Variants in HAUS7 observed in about 807,000 individuals in gnomAD.
HAUS7 encodes the protein HAUS augmin like complex subunit 7.
Under a neutral mutation model 28.4 loss-of-function variants are expected in HAUS7, and 3 were observed. The observed-to-expected ratio is 0.11, with a 90% CI of 0.05 to 0.27. The LOEUF (loss-of-function observed/expected upper bound fraction) is 0.27. Among genes scored for constraint, HAUS7 ranks in the 10% least tolerant of loss-of-function variants. HAUS7 has a pLI of 1.00. For missense variants in HAUS7, 284 were observed against 297.3 expected (o/e 0.96, Z 0.33); for synonymous variants, 165 against 132.1 (o/e 1.25, Z -1.71).
intron 4 of HAUS7, among the ~76,000 whole-genome samples, chrX:153,457,599 G>A (rs1243974798): frequency 8.8e-6 from 1 of 113,263 alleles, no homozygotes. Flanking sequence ...GACAAGGCCT[G>A]TTCTCCTCCA....
intron 1 of HAUS7, among the ~76,000 whole-genome samples, chrX:153,469,909 TG>T (rs1278852687): frequency 2.7e-5 from 3 of 109,970 alleles, no homozygotes; most frequent in Non-Finnish European, 5.7e-5. Flanking sequence ...GGGGAGTGTC[TG>T]GGGGGAGGAG....
intron 1 of HAUS7, among the ~76,000 whole-genome samples, chrX:153,489,025 G>A (rs868975110): frequency 1.1e-4 from 12 of 112,733 alleles, no homozygotes; most frequent in African/African-American, 2.6e-4. Flanking sequence ...TCTTGGGGTC[G>A]TCACCTGGCC....
At chrX:153,473,865 C>G (rs1159960618), upstream of HAUS7, among the ~76,000 whole-genome samples, 2 of 111,529 alleles carry the variant, frequency 1.8e-5, no homozygotes, top group Non-Finnish European at 3.8e-5. Flanking sequence ...TGCTGCTAAG[C>G]TGCCAGGCTG....
chrX:153,470,949 G>A (rs1014636371), upstream of HAUS7: 3 of 335,060 alleles, frequency 9.0e-6, no homozygotes, highest in African/African-American at 7.9e-5. Context: ...GCTGCCGGCC[G>A]GGAATGATGA....
At chrX:153,481,358 C>T (rs1317306648) in intron 1 of HAUS7, 5 of 753,516 alleles carry the variant, frequency 6.6e-6, no homozygotes, top group Non-Finnish European at 6.3e-6. Context: ...TCTCTTCCTC[C>T]AGGGACCTCC....
chrX:153,462,151 G>A, intron 4 of HAUS7: 1 of 1,030,109 alleles, frequency 9.7e-7, no homozygotes. Context: ...TAATCATCGA[G>A]TGAAAACAAT....
intron 2 of HAUS7, 33 bp downstream of exon 2, chrX:153,469,113 C>T: frequency 1.2e-6 from 1 of 862,948 alleles, no homozygotes; most frequent in Non-Finnish European, 1.7e-6. Flanking sequence ...CATGCACACC[C>T]CAGGTGGGAA....
intron 1 of HAUS7, among the ~76,000 whole-genome samples, chrX:153,485,426 CT>C (rs1461969888): frequency 3.6e-5 from 4 of 111,841 alleles, no homozygotes; most frequent in Non-Finnish European, 5.7e-5. Flanking sequence ...ACAGGAGACC[CT>C]GAGGCAACAC....
chrX:153,474,488 G>A (rs1041075771), upstream of HAUS7, among the ~76,000 whole-genome samples: 1 of 112,053 alleles, frequency 8.9e-6, no homozygotes, highest in Non-Finnish European at 1.9e-5. Flanking sequence ...AAGAGGGCAG[G>A]GCCTGCGACC....
chrX:153,481,378 G>A (rs1037091848), intron 1 of HAUS7: 1 of 754,750 alleles, frequency 1.3e-6, no homozygotes, highest in Non-Finnish European at 1.6e-6. Context: ...CCATCAACCT[G>A]GGCTGAGGAT....
intron 1 of HAUS7, among the ~76,000 whole-genome samples, chrX:153,493,485 C>T (rs1161011332): frequency 8.9e-6 from 1 of 112,205 alleles, no homozygotes; most frequent in Non-Finnish European, 1.9e-5. Context: ...AAAGGTAAAA[C>T]ACACAAACCT....
upstream of HAUS7, among the ~76,000 whole-genome samples, chrX:153,475,179 A>G (rs1422417483): frequency 8.9e-6 from 1 of 112,239 alleles, no homozygotes; most frequent in Non-Finnish European, 1.9e-5. Flanking sequence ...TATGGGCGGG[A>G]ATGAACTCGA....
chrX:153,469,173 A>G lies in HAUS7; in HGVS notation c.197T>C (p.Leu66Ser). 8.5e-7 allele frequency: 1 copy of G among 1,177,518 alleles called. No homozygotes were observed. The part of the protein sequence containing the change: ...ELLCSPSEYR[L>S]EILEWMCTRV... The stretch of plus-strand genomic sequence containing the variant: ...GGTACACATCCACTCTAGGATCTCC[A>G]AGCGGTACTCTGAGGGGCTGCACAG... The change falls in exon 2 of 10, where the codon TTG becomes TCG. Residue 66 changes from leucine to serine, a missense_variant. Physicochemically the swap from Leu to Ser is moderately radical, Grantham distance 145 (BLOSUM62 -2). Transcript: ENST00000370211.
upstream of HAUS7, among the ~76,000 whole-genome samples, chrX:153,474,108 G>C (rs1188676931): frequency 8.9e-6 from 1 of 112,583 alleles, no homozygotes; most frequent in Non-Finnish European, 1.9e-5. Context: ...TAACTCTGGA[G>C]GGACCACACT....
At chrX:153,461,733 C>T in intron 4 of HAUS7, 2 of 215,271 alleles carry the variant, frequency 9.3e-6, no homozygotes, top group Non-Finnish European at 1.7e-5. Context: ...AAGACGGATG[C>T]CAGCAAGTGC....
intron 4 of HAUS7, among the ~76,000 whole-genome samples, chrX:153,460,183 G>A (rs1260077725): frequency 8.0e-5 from 9 of 112,174 alleles, no homozygotes; most frequent in African/African-American, 2.3e-4. Context: ...GGCACCAAAG[G>A]CCACACATTC....
rs199939361 is a variant in HAUS7 at position 153,457,140 on chromosome X, G to A, written c.443C>T (p.Ser148Leu). 430 of 1,168,269 alleles carry A rather than the reference G, an allele frequency of 3.7e-4. No homozygotes were observed. In the East Asian group the frequency reaches 4.8e-3, roughly 13 times the overall value. ...RSLTIGCSSC[S>L]SLMEHFEDTR... Reference sequence around the variant, plus strand: ...CCTGGGCCATCCACACCTTTACCTCGAGCAACTGGAGCACCCAATGGTCAG... The same window carrying A: ...CCTGGGCCATCCACACCTTTACCTCAAGCAACTGGAGCACCCAATGGTCAG... Residue 148 changes from serine (S) to leucine (L), a missense_variant, in exon 5 of 10, where the codon TCG (serine) becomes TTG (leucine). Coordinates refer to ENST00000370211, the MANE Select transcript of HAUS7 (RefSeq NM_001385482.1).
At chrX:153,493,499 G>A (rs868976436) in intron 1 of HAUS7, among the ~76,000 whole-genome samples, 2 of 112,158 alleles carry the variant, frequency 1.8e-5, no homozygotes, top group African/African-American at 3.2e-5. Context: ...CAAACCTGCC[G>A]AAAGACAAGC....
chrX:153,472,721 G>A (rs932896012), upstream of HAUS7, among the ~76,000 whole-genome samples: 31 of 109,499 alleles, frequency 2.8e-4, no homozygotes, highest in African/African-American at 1.0e-3. Context: ...GTGGGTGGGC[G>A]GGGATGTGGA....
Sources: gnomAD v4.1 joint callset for allele counts (sites outside exome capture counted in the v4.1 genomes callset) on GRCh38, gnomAD v4.1.1 for gene constraint, MANE v1.5 for transcripts, NCBI Gene and HGNC (gene_info 2026-07-23, HGNC 2026-07-21) for gene names.